SLC7A1: variants seen among roughly 807,000 people sequenced by gnomAD.
SLC7A1 encodes the protein high affinity cationic amino acid transporter 1.
Under a neutral mutation model 53.9 loss-of-function variants are expected in SLC7A1, and 10 were observed. That is an observed-to-expected ratio of 0.19 (90% CI 0.11 to 0.31). SLC7A1 has a LOEUF of 0.31. Ranked by LOEUF, SLC7A1 falls within the 10% of genes least tolerant of loss-of-function variation. SLC7A1 has a pLI of 1.00. For missense variants in SLC7A1, 525 were observed against 827.2 expected (o/e 0.63, Z 4.48); for synonymous variants, 342 against 338.7 (o/e 1.01, Z -0.11).
chr13:29,584,288 G>A (rs138282658), intron 1 of SLC7A1, among the ~76,000 whole-genome samples: 2 of 152,208 alleles, frequency 1.3e-5, no homozygotes, highest in Admixed American at 6.5e-5. Context: ...CTCGGGAGCT[G>A]TACTGCGCCA....
At chr13:29,577,646 G>A (rs565018816) in intron 1 of SLC7A1, among the ~76,000 whole-genome samples, 31 of 152,340 alleles carry the variant, frequency 2.0e-4, no homozygotes, top group African/African-American at 6.3e-4. Flanking sequence ...CAGCTCTGAC[G>A]GGCCTCTTGG....
intron 1 of SLC7A1, among the ~76,000 whole-genome samples, chr13:29,580,569 C>T (rs1871601616): frequency 6.6e-6 from 1 of 152,150 alleles, no homozygotes; most frequent in Non-Finnish European, 1.5e-5. Context: ...AATTTCCTCA[C>T]GTGGCTGCTT....
intron 8 of SLC7A1, among the ~76,000 whole-genome samples, chr13:29,521,305 T>C (rs977867509): frequency 2.0e-5 from 3 of 152,228 alleles, no homozygotes; most frequent in Non-Finnish European, 2.9e-5. Context: ...ATTCATTCAT[T>C]TAAGAAGGTC....
intron 2 of SLC7A1, among the ~76,000 whole-genome samples, chr13:29,549,120 G>A (rs1434257957): frequency 6.6e-6 from 1 of 152,222 alleles, no homozygotes; most frequent in East Asian, 1.9e-4. Flanking sequence ...TCTTTACGTG[G>A]AGCGGACGTG....
At chr13:29,556,807 G>C (rs1217506629) in intron 1 of SLC7A1, among the ~76,000 whole-genome samples, 2 of 152,356 alleles carry the variant, frequency 1.3e-5, no homozygotes, top group East Asian at 3.9e-4. Flanking sequence ...ACCACTGCTT[G>C]TAAGGTTGCC....
At chr13:29,521,213 G>T (rs1868615794) in intron 8 of SLC7A1, among the ~76,000 whole-genome samples, 1 of 152,194 alleles carries the variant, frequency 6.6e-6, no homozygotes, top group Admixed American at 6.5e-5. Flanking sequence ...TTAAAAATAG[G>T]TGTGTTTTAT....
intron 3 of SLC7A1, 24 bp from the exon 4 acceptor site, chr13:29,533,006 A>G (rs2139098857): frequency 6.3e-7 from 1 of 1,591,628 alleles, no homozygotes; most frequent in East Asian, 2.3e-5. Context: ...CACACAACAG[A>G]GGAGATGTGA....
intron 1 of SLC7A1, among the ~76,000 whole-genome samples, chr13:29,578,706 T>A (rs569112908): frequency 6.6e-6 from 1 of 152,250 alleles, no homozygotes. Context: ...CGGTGCCTTT[T>A]CACTGGGTAC....
In SLC7A1 at chr13:29,510,970, A is replaced by C. The variant is rs1018975229; in HGVS notation, c.*3510T>G. The C allele has an allele frequency of 1.3e-5, 2 of 152,312 alleles. No individual in the cohort carries two copies. The highest frequency in any genetic ancestry group is 2.9e-5 in the Non-Finnish European group (2 of 68,090). 9.4% of individuals were successfully genotyped at this position (152,312 alleles called of 1,614,324 possible). ...CCACCAGACTCATTGCCCTGTCTCC[A>C]GTCTCCACTGTGGGTTGGGCTGGAG... On this transcript the variant is annotated 3_prime_UTR_variant, in exon 13 of 13. Transcript: ENST00000380752.
At chr13:29,590,839 C>T (rs1052534949) in intron 1 of SLC7A1, among the ~76,000 whole-genome samples, 1 of 152,144 alleles carries the variant, frequency 6.6e-6, no homozygotes, top group Non-Finnish European at 1.5e-5. Context: ...CTAAGTGGCT[C>T]ACGACCATAA....
intron 1 of SLC7A1, among the ~76,000 whole-genome samples, chr13:29,574,909 G>A (rs1281239641): frequency 6.6e-6 from 1 of 152,176 alleles, no homozygotes; most frequent in East Asian, 1.9e-4. Context: ...CTCCCAAAGT[G>A]CTGGGATTAC....
At chr13:29,587,956 T>C (rs1238018518) in intron 1 of SLC7A1, among the ~76,000 whole-genome samples, 10 of 152,244 alleles carry the variant, frequency 6.6e-5, no homozygotes, top group Admixed American at 6.5e-4. Flanking sequence ...ACCACCTTTC[T>C]GGTCGATCAC....
At chr13:29,519,184 C>T (rs953437887) in intron 9 of SLC7A1, among the ~76,000 whole-genome samples, 4 of 152,116 alleles carry the variant, frequency 2.6e-5, no homozygotes, top group South Asian at 2.1e-4. Context: ...ATAGTTGGAC[C>T]GAGAATCTGT....
At chr13:29,533,557 G>A (rs1869271751) in intron 3 of SLC7A1, among the ~76,000 whole-genome samples, 1 of 152,174 alleles carries the variant, frequency 6.6e-6, no homozygotes, top group Admixed American at 6.5e-5. Flanking sequence ...AAAGCCACTT[G>A]CTCATCTCAG....
intron 1 of SLC7A1, among the ~76,000 whole-genome samples, chr13:29,579,940 C>T (rs1871572089): frequency 6.6e-6 from 1 of 152,192 alleles, no homozygotes; most frequent in African/African-American, 2.4e-5. Context: ...CTACCAGACC[C>T]ATTGTTCCTA....
intron 2 of SLC7A1, among the ~76,000 whole-genome samples, chr13:29,542,649 TC>T (rs1239698017): frequency 7.0e-6 from 1 of 143,100 alleles, no homozygotes; most frequent in Non-Finnish European, 1.5e-5. Flanking sequence ...CACACCGCAC[TC>T]CAGCACTCCA....
chr13:29,539,511 T>G (rs1869572226), intron 2 of SLC7A1, among the ~76,000 whole-genome samples: 1 of 152,178 alleles, frequency 6.6e-6, no homozygotes, highest in African/African-American at 2.4e-5. Context: ...GGTTATTAAA[T>G]TACTGTAAGC....
intron 1 of SLC7A1, among the ~76,000 whole-genome samples, chr13:29,565,909 T>C (rs1371990269): frequency 1.3e-5 from 2 of 152,220 alleles, no homozygotes; most frequent in Admixed American, 1.3e-4. Flanking sequence ...CCTGCGGTTC[T>C]GGGCCAAGGA....
At chr13:29,516,079 C>T (rs2139066048) in intron 12 of SLC7A1, 59 bp downstream of exon 12, 1 of 1,036,478 alleles carries the variant, frequency 9.6e-7, no homozygotes, top group East Asian at 2.5e-5. Context: ...AAATCTGAAA[C>T]AAGGGAGACC....
Sources: allele counts gnomAD v4.1 joint callset (sites outside exome capture counted in the v4.1 genomes callset), GRCh38; gene constraint gnomAD v4.1.1; transcripts MANE v1.5; gene names NCBI Gene and HGNC (gene_info 2026-07-23, HGNC 2026-07-21).